The following STXBP2 variants were observed in gnomAD, a reference collection of about 807,000 sequenced individuals.
The protein encoded by STXBP2 is syntaxin binding protein 2.
In STXBP2, 47 loss-of-function variants were observed where a neutral mutation model predicts 72.2. The ratio of observed to expected loss-of-function variants is 0.65; its 90% CI spans 0.51 to 0.83. The LOEUF is 0.83. STXBP2 is among the 40% of genes least tolerant of loss of function. STXBP2 has a pLI of 0.00. For synonymous variants in STXBP2, 367 were observed against 338.7 expected, an observed-to-expected ratio of 1.08 and a Z score of -0.92; for missense variants, 702 against 807.6, an observed-to-expected ratio of 0.87 and a Z score of 1.58.
At chr19:7,645,847 T>G (rs1359493099) in intron 15 of STXBP2, 1 of 347,450 alleles carries the variant, frequency 2.9e-6, no homozygotes, top group Non-Finnish European at 5.4e-6. Context: ...CTCACCCTTC[T>G]CTCTGCCTTC....
the STXBP2 span, chr19:7,631,574 C>T: frequency 1.3e-6 from 2 of 1,527,854 alleles, no homozygotes; most frequent in African/African-American, 2.7e-5. Context: ...AAGTGGGAGT[C>T]CTAGCCCCTC....
upstream of STXBP2, chr19:7,632,520 G>C: frequency 6.2e-7 from 1 of 1,612,796 alleles, no homozygotes; most frequent in Non-Finnish European, 8.5e-7. This position sits in a 1 kb window ranked among gnomAD's most constrained non-coding sequence, Gnocchi z 5.2. Flanking sequence ...GTCGCTCTCT[G>C]CGTGGACGTT....
At chr19:7,639,981 TGC>T (rs1568464418) in intron 4 of STXBP2, 174 bp downstream of exon 4, 7 of 763,320 alleles carry the variant, frequency 9.2e-6, no homozygotes, top group Middle Eastern at 3.5e-4. Flanking sequence ...TGCATGTGTG[TGC>T]GTGTTTGCAT....
intron 13 of STXBP2, 97 bp from the exon 14 acceptor site, chr19:7,644,517 C>G: frequency 6.4e-7 from 1 of 1,554,118 alleles, no homozygotes; most frequent in African/African-American, 1.4e-5. Context: ...ACCCAAATGT[C>G]CTCTTGCCGA....
Position 7,646,334 on chromosome 19 carries a change from A to T in STXBP2, c.1442A>T (p.Asp481Val). The part of the protein sequence containing the change: ...QLSRWTPVIK[D>V]VMEDAVEDRL... Reference sequence around the variant, plus strand: ...TCCCGCTGGACCCCGGTCATCAAGGATGTAATGGAGGTACTGGGTGGCAGG... The same window carrying T: ...TCCCGCTGGACCCCGGTCATCAAGGTTGTAATGGAGGTACTGGGTGGCAGG... Residue 481 changes from aspartate to valine, a missense_variant, in exon 16 of 19, where the codon GAT becomes GTT. Physicochemically the swap from Asp to Val is radical, Grantham distance 152. Transcript: ENST00000221283. 1 of 1,608,016 alleles carries T rather than the reference A, an allele frequency of 6.2e-7. No individual in the cohort carries two copies. Among genetic ancestry groups the T allele is most frequent in the African/African-American group, 1.3e-5 (1 of 74,976 alleles).
At chr19:7,630,012 G>A in the STXBP2 span, 2 of 1,014,000 alleles carry the variant, frequency 2.0e-6, no homozygotes, top group African/African-American at 3.3e-5. Flanking sequence ...TGGAAATCCA[G>A]GAGAGGGGAC....
At position 7,642,725 on chromosome 19, in the gene STXBP2, C is replaced by T; in HGVS notation, c.903-41C>T. On this transcript the variant is annotated intron_variant, in intron 10 of 18. Transcript: ENST00000221283. The surrounding 1 kb of genome is among the most constrained non-coding windows in gnomAD (Gnocchi z 6.0). ...GTGGGCTCACCCATGGCCTGTGGCT[C>T]CTCTCCCCTCACTCTCACCCCCGCC... 1.2e-6 allele frequency: 2 copies of T among 1,607,776 alleles called. No individual in the cohort carries two copies. The highest frequency in any genetic ancestry group is 1.7e-6 in the Non-Finnish European group (2 of 1,175,576).
Position 7,647,351 on chromosome 19 carries a change from C to T in STXBP2, c.1539-3C>T, listed in dbSNP as rs1367059436. ...CTGGACTTTCTGCCCCTGCCCTGCA[C>T]AGTGCCCGCTTCGGTCACTGGCACA... On this transcript the variant is annotated splice_polypyrimidine_tract_variant and splice_region_variant and intron_variant, in intron 17 of 18. Coordinates refer to ENST00000221283, the MANE Select transcript of STXBP2 (RefSeq NM_006949.4). 1.2e-6 allele frequency: 2 copies of T among 1,613,064 alleles called. No homozygotes were observed. Among genetic ancestry groups the T allele is most frequent in the Non-Finnish European group, 1.7e-6 (2 of 1,179,968 alleles).
At position 7,645,248 on chromosome 19, in the gene STXBP2, C is replaced by T. The variant is rs141309384; in HGVS notation, c.1298C>T (p.Ala433Val). The T allele has an allele frequency of 0.011, 17,462 of 1,582,430 alleles. 129 individuals are homozygous for T. The highest frequency in any genetic ancestry group is 0.023 in the Middle Eastern group (136 of 6,018). ...AKLIQHANVQ[A>V]HSSLIRNLEQ... The stretch of plus-strand genomic sequence containing the variant: ...CTGATCCAGCATGCCAATGTACAGG[C>T]GCACAGCAGCCTCATCCGTAACCTG... The change falls in exon 15 of 19, where the codon GCG becomes GTG. Residue 433 changes from alanine (A) to valine (V), a missense_variant. Transcript: ENST00000221283.
In STXBP2 at chr19:7,647,266, C is replaced by T. The variant is rs377330393; in HGVS notation, c.1538+19C>T. 13 of 1,610,410 alleles carry T rather than the reference C, an allele frequency of 8.1e-6. No homozygotes were observed. In the African/African-American group the frequency reaches 1.2e-4, roughly 15 times the overall value. On this transcript the variant is annotated intron_variant, in intron 17 of 18. Coordinates refer to ENST00000221283, the MANE Select transcript of STXBP2 (RefSeq NM_006949.4). The stretch of plus-strand genomic sequence containing the variant: ...CTGTCAGGTGAGGCCCCGGGGCCGC[C>T]CCCGCCCACGCCTGGGTCTGTGTTA...
In STXBP2 at chr19:7,642,379, TCCCCAGTCCTCAGCTCCCCTGAC is replaced by T. The variant is rs2057540302; in HGVS notation, c.795-43_795-21del. On this transcript the variant is annotated intron_variant, in intron 9 of 18. Transcript: ENST00000221283. The surrounding 1 kb of genome is among the most constrained non-coding windows in gnomAD (Gnocchi z 6.0). ...TCCCCACCCTTGCCACTGACCTGGT[TCCCCAGTCCTCAGCTCCCCTGAC>T]CCCCAGGCTCCCTCCTTCCTCCCCA... The T allele has an allele frequency of 1.2e-6, 2 of 1,613,466 alleles. No homozygotes were observed. Among genetic ancestry groups the T allele is most frequent in the South Asian group, 2.2e-5 (2 of 91,078 alleles).
At chr19:7,638,193 C>A (rs1471687545) in intron 1 of STXBP2, among the ~76,000 whole-genome samples, 1 of 152,252 alleles carries the variant, frequency 6.6e-6, no homozygotes, top group African/African-American at 2.4e-5. Flanking sequence ...TTTGCCCCAG[C>A]ACTCTGCCAC....
At chr19:7,645,978 C>T (rs891737668) in intron 15 of STXBP2, 8 of 558,902 alleles carry the variant, frequency 1.4e-5, no homozygotes, top group Non-Finnish European at 2.6e-5. Flanking sequence ...TACTTTGTCT[C>T]ACTGCTTCTT....
rs2032190642 is a variant in STXBP2 at position 7,647,649 on chromosome 19, C to T, written c.1697-76C>T. 2.5e-6 allele frequency: 4 copies of T among 1,600,972 alleles called. No individual in the cohort carries two copies. The South Asian group carries it at 3.3e-5, about 13-fold the overall frequency. On this transcript the variant is annotated intron_variant, in intron 18 of 18. Transcript: ENST00000221283. ...CTGAGGGACAGGGACAGCCCCACAC[C>T]AGCCGGGACCGGGAGCCTGTCAAAG...
intron 16 of STXBP2, chr19:7,646,715 C>A: frequency 2.5e-6 from 1 of 397,980 alleles, no homozygotes; most frequent in Non-Finnish European, 4.7e-6. Context: ...CTCCTTGTCC[C>A]TCTAAGAGCC....
upstream of STXBP2, chr19:7,632,701 C>T (rs763396835): frequency 1.8e-5 from 28 of 1,551,876 alleles, no homozygotes; most frequent in African/African-American, 4.1e-5. This position sits in a 1 kb window ranked among gnomAD's most constrained non-coding sequence, Gnocchi z 5.2. Context: ...ACAGCACCCC[C>T]GTGCCCATGC....
At chr19:7,633,396 G>A, upstream of STXBP2, 1 of 1,565,848 alleles carries the variant, frequency 6.4e-7, no homozygotes, top group Non-Finnish European at 8.7e-7. Context: ...GTGGGGGCAG[G>A]GCCCTCTCAC....
At chr19:7,631,420 C>G in the STXBP2 span, 165 of 1,444,298 alleles carry the variant, frequency 1.1e-4, no homozygotes, top group Admixed American at 8.5e-4. Flanking sequence ...GGTCCCGGCT[C>G]TGAGGTGTGT....
rs751050539 is a variant in STXBP2 at position 7,647,171 on chromosome 19, G to A, written c.1462G>A (p.Glu488Lys). The A allele has an allele frequency of 6.2e-7, 1 of 1,611,964 alleles. No individual in the cohort carries two copies. The highest frequency in any genetic ancestry group is 8.5e-7 in the Non-Finnish European group (1 of 1,179,906). Reference protein sequence around the residue: ...VIKDVMEDAVEDRLDRNLWPF... With the variant: ...VIKDVMEDAVKDRLDRNLWPF... The stretch of plus-strand genomic sequence containing the variant: ...GCCTCTCGGCCGCCAGGACGCCGTG[G>A]AGGACCGGCTGGACAGGAACCTGTG... The change falls in exon 17 of 19, where the codon GAG becomes AAG. Residue 488 changes from glutamate to lysine, a missense_variant. By Grantham distance (56) the Glu-to-Lys change is moderately conservative. Transcript: ENST00000221283.
Sources: allele counts gnomAD v4.1 joint callset (sites outside exome capture counted in the v4.1 genomes callset), GRCh38; gene constraint gnomAD v4.1.1; non-coding constraint Gnocchi (gnomAD v3.1); transcripts MANE v1.5; gene names NCBI Gene and HGNC (gene_info 2026-07-23, HGNC 2026-07-21).